The following PRPF6 variants were observed in gnomAD, a reference collection of about 807,000 sequenced individuals.
PRPF6 encodes pre-mRNA processing factor 6, also known as pre-mRNA-processing factor 6.
In PRPF6, 42 loss-of-function variants were observed where a neutral mutation model predicts 118.3. The ratio of observed to expected loss-of-function variants is 0.35; its 90% CI spans 0.28 to 0.46. The LOEUF (loss-of-function observed/expected upper bound fraction) is 0.46, where lower values mean the gene tolerates loss of function less well. PRPF6 is among the 20% of genes least tolerant of loss of function. The pLI is 1.00. For synonymous variants in PRPF6, 481 were observed against 485.1 expected (o/e 0.99, Z 0.11); for missense variants, 662 against 1,255.7 (o/e 0.53, Z 7.15).
chr20:64,020,875 C>T (rs192047504), intron 12 of PRPF6, among the ~76,000 whole-genome samples: 2 of 152,162 alleles, frequency 1.3e-5, no homozygotes, highest in Admixed American at 1.3e-4. Flanking sequence ...CAACCTCCGC[C>T]TCCTGGGTTC....
intron 19 of PRPF6, among the ~76,000 whole-genome samples, chr20:64,031,623 A>C (rs576817544): frequency 4.0e-5 from 6 of 149,808 alleles, no homozygotes; most frequent in African/African-American, 1.5e-4. Context: ...CAGTGAGTCG[A>C]GATCGCGCCA....
rs185793669 is a variant in PRPF6 at position 64,022,919 on chromosome 20, C to T, written c.1769+41C>T. On this transcript the variant is annotated intron_variant, in intron 13 of 20. Coordinates refer to ENST00000266079, the MANE Select transcript of PRPF6 (RefSeq NM_012469.4). ...CGCCTGCCCAAGGGTGCTAATGAAA[C>T]CTCCAGCTCCATTTGTGTAGCCCTG... The T allele has an allele frequency of 3.7e-5, 59 of 1,613,474 alleles. No homozygotes were observed. In the East Asian group the frequency reaches 1.2e-3, roughly 33 times the overall value.
intron 9 of PRPF6, among the ~76,000 whole-genome samples, chr20:64,005,794 G>A (rs2059187514): frequency 6.6e-6 from 1 of 152,036 alleles, no homozygotes; most frequent in South Asian, 2.1e-4. Flanking sequence ...GAGTGCAGTG[G>A]CATGATCATG....
chr20:63,981,221 C>A lies in PRPF6; in HGVS notation c.-25C>A. On this transcript the variant is annotated 5_prime_UTR_variant, in exon 1 of 21. Coordinates refer to ENST00000266079, the MANE Select transcript of PRPF6 (RefSeq NM_012469.4). ...CTTCCGCTGCCTCATTCCTTTCCTT[C>A]CTAGCCTTGGTCGTCGCCGCCACCA... 3 of 1,592,172 alleles carry A rather than the reference C, an allele frequency of 1.9e-6. No individual in the cohort carries two copies. The East Asian group carries it at 6.8e-5, about 36-fold the overall frequency.
intron 9 of PRPF6, among the ~76,000 whole-genome samples, chr20:64,003,639 AGCCTGGAGTGCAGTG>A (rs1464429515): frequency 6.6e-6 from 1 of 152,106 alleles, no homozygotes. Flanking sequence ...TCTGTCGCCC[AGCCTGGAGTGCAGTG>A]GCACGACCTC....
Position 64,026,494 on chromosome 20 carries a change from G to A in PRPF6, c.2028+436G>A, listed in dbSNP as rs1034717154. Among the ~76,000 whole-genome samples the A allele has an allele frequency of 2.8e-5, 4 of 142,060 alleles. No homozygotes were observed. The highest frequency in any genetic ancestry group is 8.0e-5 in the African/African-American group (3 of 37,542). 93.2% of individuals were successfully genotyped at this position (142,060 alleles called of 152,430 possible). On this transcript the variant is annotated intron_variant, in intron 15 of 20. Transcript: ENST00000266079. This position sits in a 1 kb window ranked among gnomAD's most constrained non-coding sequence, Gnocchi z 4.4. ...GCACTCCAGCCTGGGCAGCAAGAGG[G>A]AAACTGTCTCAGCAACAACAACAAC... is the stretch of plus-strand genomic sequence containing the variant.
At chr20:64,016,937 C>CTA in intron 12 of PRPF6, 92 bp downstream of exon 12, 1 of 1,489,360 alleles carries the variant, frequency 6.7e-7, no homozygotes, top group Non-Finnish European at 9.2e-7. Context: ...TATTTTAAAA[C>CTA]TCTTTTTTTT....
chr20:64,020,771 AT>A (rs1486214412), intron 12 of PRPF6, among the ~76,000 whole-genome samples: 1 of 147,488 alleles, frequency 6.8e-6, no homozygotes, highest in Non-Finnish European at 1.5e-5. Flanking sequence ...CGTGGTAAAT[AT>A]ATACTATACC....
intron 9 of PRPF6, among the ~76,000 whole-genome samples, chr20:64,006,725 C>T (rs1249994808): frequency 6.6e-6 from 1 of 152,138 alleles, no homozygotes; most frequent in African/African-American, 2.4e-5. Context: ...GCCATTCAGA[C>T]ATCACTGTTT....
At chr20:63,987,219 A>G (rs1347367972) in intron 3 of PRPF6, among the ~76,000 whole-genome samples, 1 of 149,082 alleles carries the variant, frequency 6.7e-6, no homozygotes, top group Non-Finnish European at 1.5e-5. Flanking sequence ...AATAAAAGCT[A>G]TATACAGCTG....
At chr20:64,007,150 C>G (rs554583888) in intron 9 of PRPF6, among the ~76,000 whole-genome samples, 1 of 152,366 alleles carries the variant, frequency 6.6e-6, no homozygotes, top group Admixed American at 6.5e-5. Context: ...CACACCATCT[C>G]CTGGGTGCCA....
intron 8 of PRPF6, 88 bp downstream of exon 8, chr20:63,999,847 C>T (rs563680901): frequency 2.6e-5 from 40 of 1,510,110 alleles, no homozygotes; most frequent in African/African-American, 1.1e-4. Flanking sequence ...ATCTCTTTGT[C>T]TTTTGGTATT....
At chr20:64,006,163 A>G (rs1555918252) in intron 9 of PRPF6, among the ~76,000 whole-genome samples, 4 of 152,012 alleles carry the variant, frequency 2.6e-5, no homozygotes, top group Non-Finnish European at 5.9e-5. Flanking sequence ...TGGCCTCTAG[A>G]TAGTCTCCCA....
intron 12 of PRPF6, among the ~76,000 whole-genome samples, chr20:64,020,260 A>G (rs2123075946): frequency 6.6e-6 from 1 of 152,262 alleles, no homozygotes; most frequent in South Asian, 2.1e-4. Context: ...TACTAAAAAT[A>G]CAGAAATTAG....
At chr20:64,001,611 C>T (rs1001678940) in intron 9 of PRPF6, among the ~76,000 whole-genome samples, 1 of 152,222 alleles carries the variant, frequency 6.6e-6, no homozygotes, top group Non-Finnish European at 1.5e-5. Flanking sequence ...TGAGCCGGCA[C>T]CTGGCACGTG....
intron 13 of PRPF6, among the ~76,000 whole-genome samples, chr20:64,023,717 G>A (rs1439898982): frequency 6.6e-6 from 1 of 152,228 alleles, no homozygotes; most frequent in African/African-American, 2.4e-5. Flanking sequence ...CTGCCATGGT[G>A]CCCCTCTGTA....
At chr20:63,996,238 C>A (rs1339003208) in intron 6 of PRPF6, among the ~76,000 whole-genome samples, 1 of 152,124 alleles carries the variant, frequency 6.6e-6, no homozygotes, top group African/African-American at 2.4e-5. Context: ...ACTTGGGAGG[C>A]TAAGGCAGGA....
At chr20:63,987,190 G>GT (rs1491139929) in intron 3 of PRPF6, among the ~76,000 whole-genome samples, 4 of 72,254 alleles carry the variant, frequency 5.5e-5, no homozygotes, top group South Asian at 5.0e-4. Context: ...AAAAAAAAAA[G>GT]GGGGGGGGAG....
chr20:64,006,642 G>C (rs1414785500), intron 9 of PRPF6, among the ~76,000 whole-genome samples: 1 of 152,204 alleles, frequency 6.6e-6, no homozygotes. Context: ...CTCTTGACAG[G>C]AGGGTCCAAG....
Sources: gnomAD v4.1 joint callset for allele counts (sites outside exome capture counted in the v4.1 genomes callset) on GRCh38, gnomAD v4.1.1 for gene constraint, Gnocchi (gnomAD v3.1) non-coding constraint, MANE v1.5 for transcripts, NCBI Gene and HGNC (gene_info 2026-07-23, HGNC 2026-07-21) for gene names.